The following AADAT variants were observed in gnomAD, a reference collection of about 807,000 sequenced individuals.
AADAT encodes kynurenine/alpha-aminoadipate aminotransferase, mitochondrial.
In AADAT, 25 loss-of-function variants were observed where a neutral mutation model predicts 56.2. The ratio of observed to expected loss-of-function variants is 0.44; its 90% CI spans 0.32 to 0.62. AADAT has a LOEUF of 0.62. AADAT is among the 20% of genes least tolerant of loss of function. AADAT has a pLI of 0.04. For synonymous variants in AADAT, 173 were observed against 164.7 expected (o/e 1.05, Z -0.39); for missense variants, 387 against 510.5 (o/e 0.76, Z 2.33).
chr4:170,076,393 A>G (rs750748153), intron 4 of AADAT, among the ~76,000 whole-genome samples: 3 of 152,184 alleles, frequency 2.0e-5, no homozygotes, highest in Non-Finnish European at 4.4e-5. Context: ...CACACATTGT[A>G]GAGTACTAAC....
chr4:170,069,337 T>A, intron 6 of AADAT, 107 bp from the exon 7 acceptor site: 1 of 791,006 alleles, frequency 1.3e-6, no homozygotes, highest in Non-Finnish European at 2.0e-6. Flanking sequence ...ATAACAACAG[T>A]ACAAATATTC....
chr4:170,064,627 G>A, intron 11 of AADAT, 92 bp downstream of exon 11: 1 of 955,296 alleles, frequency 1.0e-6, no homozygotes, highest in Non-Finnish European at 1.6e-6. Context: ...TGGGCAACAA[G>A]AAACATTTCT....
Position 170,060,842 on chromosome 4 carries a change from T to C in AADAT, c.*86A>G, listed in dbSNP as rs774840072. ...GTAGCTTACTGCAGCCTTGAATTCC[T>C]GGGTTCAAGTGATCCTCCCTCCTCT... On this transcript the variant is annotated 3_prime_UTR_variant, in exon 13 of 13. Transcript: ENST00000337664. The C allele has an allele frequency of 1.6e-5, 19 of 1,163,424 alleles. No individual in the cohort carries two copies. The highest frequency in any genetic ancestry group is 2.9e-4 in the Middle Eastern group (1 of 3,506). 72.1% of individuals were successfully genotyped at this position (1,163,424 alleles called of 1,614,324 possible).
rs113844466 is a variant in AADAT, at chr4:170,084,724, C to A, written c.369+2392G>T. Among the ~76,000 whole-genome samples, 1,313 of 152,248 alleles carry A rather than the reference C, an allele frequency of 8.6e-3. 20 individuals are homozygous for A. The highest frequency in any genetic ancestry group is 0.029 in the African/African-American group (1,204 of 41,532). Reference sequence around the variant, plus strand: ...CAACTGACCTGTGATGTTGAATTTACCTTTTCCTTATGAGCTTTTGGCATC... The same window carrying A: ...CAACTGACCTGTGATGTTGAATTTAACTTTTCCTTATGAGCTTTTGGCATC... On this transcript the variant is annotated intron_variant, in intron 3 of 12. Coordinates refer to ENST00000337664, the MANE Select transcript of AADAT (RefSeq NM_016228.4).
chr4:170,088,974 T>C (rs1732701699), intron 1 of AADAT, among the ~76,000 whole-genome samples: 1 of 152,250 alleles, frequency 6.6e-6, no homozygotes, highest in African/African-American at 2.4e-5. Flanking sequence ...GATCTTAGAC[T>C]TCCTAGCTTC....
upstream of AADAT, among the ~76,000 whole-genome samples, chr4:170,093,577 A>G (rs2111230894): frequency 6.6e-6 from 1 of 152,256 alleles, no homozygotes; most frequent in South Asian, 2.1e-4. Flanking sequence ...AGTATTTATT[A>G]CTCACAGGCT....
At chr4:170,071,008 G>C (rs1295052633) in intron 5 of AADAT, among the ~76,000 whole-genome samples, 2 of 152,214 alleles carry the variant, frequency 1.3e-5, no homozygotes, top group Non-Finnish European at 2.9e-5. Context: ...TGCCTCCTGG[G>C]CTCAAGTGAT....
At chr4:170,093,010 T>G (rs1267334616), upstream of AADAT, among the ~76,000 whole-genome samples, 1 of 152,188 alleles carries the variant, frequency 6.6e-6, no homozygotes, top group Non-Finnish European at 1.5e-5. Flanking sequence ...AACATCTAAA[T>G]AAGGTGTAGA....
chr4:170,084,713 T>C (rs984524682), intron 3 of AADAT, among the ~76,000 whole-genome samples: 1 of 152,222 alleles, frequency 6.6e-6, no homozygotes, highest in African/African-American at 2.4e-5. Context: ...TGACCTGTGA[T>C]GTTGAATTTA....
At chr4:170,070,755 A>G (rs1241109537) in intron 5 of AADAT, 103 bp from the exon 6 acceptor site, 7 of 778,124 alleles carry the variant, frequency 9.0e-6, no homozygotes, top group African/African-American at 1.8e-5. Flanking sequence ...TACTCATTCA[A>G]GGAACTACTG....
At chr4:170,073,423 A>T in intron 4 of AADAT, 78 bp from the exon 5 acceptor site, 1 of 1,287,146 alleles carries the variant, frequency 7.8e-7, no homozygotes, top group Non-Finnish European at 1.1e-6. Flanking sequence ...TTTCTTTCTA[A>T]CTAAGAACTT....
intron 11 of AADAT, among the ~76,000 whole-genome samples, chr4:170,063,055 C>T (rs1387934994): frequency 6.6e-6 from 1 of 152,194 alleles, no homozygotes; most frequent in Non-Finnish European, 1.5e-5. Flanking sequence ...GCTTGTTACA[C>T]TGTCTGCTAA....
chr4:170,089,071 G>A (rs977391121), intron 1 of AADAT, among the ~76,000 whole-genome samples: 1 of 152,218 alleles, frequency 6.6e-6, no homozygotes, highest in Non-Finnish European at 1.5e-5. Context: ...TAAGACAAAA[G>A]CTAGTCTAAA....
At chr4:170,093,081 T>C (rs186632755), upstream of AADAT, among the ~76,000 whole-genome samples, 18 of 152,194 alleles carry the variant, frequency 1.2e-4, no homozygotes, top group Admixed American at 1.2e-3. Flanking sequence ...TAAGGCTTTT[T>C]TTTGATAGGG....
At chr4:170,073,105 A>T in intron 5 of AADAT, 31 bp downstream of exon 5, 1 of 1,600,556 alleles carries the variant, frequency 6.2e-7, no homozygotes, top group Non-Finnish European at 8.5e-7. Context: ...AAACAGGAAC[A>T]CAACTACTTT....
chr4:170,079,383 G>T (rs1344336199), intron 3 of AADAT, among the ~76,000 whole-genome samples: 1 of 152,206 alleles, frequency 6.6e-6, no homozygotes, highest in African/African-American at 2.4e-5. Context: ...GGCAAGTAAG[G>T]ATTTTAGGAA....
At chr4:170,085,875 A>T (rs1211287385) in intron 3 of AADAT, among the ~76,000 whole-genome samples, 4 of 152,130 alleles carry the variant, frequency 2.6e-5, no homozygotes, top group African/African-American at 4.8e-5. Context: ...ACCAGATTAC[A>T]GTTTTCATAT....
intron 4 of AADAT, among the ~76,000 whole-genome samples, chr4:170,074,284 G>C (rs939679900): frequency 2.6e-5 from 4 of 151,758 alleles, no homozygotes; most frequent in Non-Finnish European, 5.9e-5. Context: ...TGAGGTTTGG[G>C]GTACAATTGC....
At chr4:170,070,075 G>A (rs1192438452) in intron 6 of AADAT, among the ~76,000 whole-genome samples, 3 of 151,900 alleles carry the variant, frequency 2.0e-5, no homozygotes, top group East Asian at 1.9e-4. Context: ...TGTGGGATGC[G>A]CTGCCTGTGA....
Sources: gnomAD v4.1 joint callset for allele counts (sites outside exome capture counted in the v4.1 genomes callset) on GRCh38, gnomAD v4.1.1 for gene constraint, MANE v1.5 for transcripts, NCBI Gene and HGNC (gene_info 2026-07-23, HGNC 2026-07-21) for gene names.